NOL4: variants seen among roughly 807,000 people sequenced by gnomAD.
NOL4 encodes nucleolar protein 4, also known as cancer/testis antigen 125.
NOL4 carries 17 observed loss-of-function variants against 75.9 expected under a neutral mutation model. The observed-to-expected ratio is 0.22, with a 90% confidence interval of 0.15 to 0.34. NOL4 has a LOEUF of 0.34. NOL4 is among the 10% of genes least tolerant of loss of function. The pLI, the probability that NOL4 is intolerant of heterozygous loss-of-function variation, is 1.00. For missense variants in NOL4, 614 were observed against 793.5 expected (o/e 0.77, Z 2.72); for synonymous variants, 292 against 289.9 (o/e 1.01, Z -0.07).
At chr18:34,031,995 G>A (rs1378272188) in intron 5 of NOL4, among the ~76,000 whole-genome samples, 1 of 152,200 alleles carries the variant, frequency 6.6e-6, no homozygotes, top group East Asian at 1.9e-4. Context: ...AGTGCCAGTG[G>A]CAACACACTG....
intron 2 of NOL4, among the ~76,000 whole-genome samples, chr18:34,120,405 C>T (rs2080084362): frequency 6.6e-6 from 1 of 152,186 alleles, no homozygotes; most frequent in Admixed American, 6.5e-5. Context: ...AAAGTGATCA[C>T]AGCCCACTAA....
chr18:34,091,292 G>C (rs141743080), intron 5 of NOL4, among the ~76,000 whole-genome samples: 3 of 152,008 alleles, frequency 2.0e-5, no homozygotes, highest in African/African-American at 7.3e-5. Context: ...GAACCCGGGA[G>C]GCAGAGGTTG....
chr18:34,024,181 GAAAAAAA>G (rs200128545), intron 5 of NOL4, among the ~76,000 whole-genome samples: 6 of 86,958 alleles, frequency 6.9e-5, no homozygotes, highest in Non-Finnish European at 1.5e-4. Flanking sequence ...AAATAAACAG[GAAAAAAA>G]AAAAAAATAT....
chr18:33,876,375 A>G (rs1428261129), intron 10 of NOL4, among the ~76,000 whole-genome samples: 1 of 152,016 alleles, frequency 6.6e-6, no homozygotes, highest in Non-Finnish European at 1.5e-5. Flanking sequence ...CCTATTTTAT[A>G]AATTAAATCA....
intron 9 of NOL4, among the ~76,000 whole-genome samples, chr18:33,916,433 G>A (rs1344197480): frequency 1.3e-5 from 2 of 152,166 alleles, no homozygotes; most frequent in South Asian, 2.1e-4. Flanking sequence ...TTTATCAGGC[G>A]TACTCTGTCA....
At chr18:34,027,890 G>A (rs1184503915) in intron 5 of NOL4, among the ~76,000 whole-genome samples, 2 of 152,100 alleles carry the variant, frequency 1.3e-5, no homozygotes, top group African/African-American at 4.8e-5. Flanking sequence ...ACACAACTAA[G>A]AATAGAAAGG....
intron 9 of NOL4, among the ~76,000 whole-genome samples, chr18:33,935,318 G>T (rs998658707): frequency 6.6e-6 from 1 of 152,080 alleles, no homozygotes; most frequent in African/African-American, 2.4e-5. Flanking sequence ...TTTAAAGTCA[G>T]ATACATGAGA....
chr18:34,110,665 TA>T, intron 2 of NOL4, among the ~76,000 whole-genome samples: 1 of 152,258 alleles, frequency 6.6e-6, no homozygotes, highest in South Asian at 2.1e-4. Context: ...TTCAATATGG[TA>T]CTAGAAGTCC....
At chr18:33,993,604 T>A (rs1263527710) in intron 6 of NOL4, among the ~76,000 whole-genome samples, 1 of 151,716 alleles carries the variant, frequency 6.6e-6, no homozygotes, top group African/African-American at 2.4e-5. Context: ...ATACTGGAAA[T>A]AAATAGGCAA....
intron 9 of NOL4, among the ~76,000 whole-genome samples, chr18:33,914,704 G>A (rs2066609869): frequency 6.6e-6 from 1 of 152,104 alleles, no homozygotes. Flanking sequence ...GATGTGTAAT[G>A]TGAAAAGAAG....
At chr18:34,220,503 T>G (rs984946785) in intron 1 of NOL4, among the ~76,000 whole-genome samples, 4 of 152,204 alleles carry the variant, frequency 2.6e-5, no homozygotes, top group African/African-American at 9.7e-5. Context: ...AAATATATTT[T>G]TGTCTTCTTG....
chr18:34,223,215 G>A lies in NOL4; in HGVS notation c.39C>T (p.Asp13=), dbSNP rs749542714. The A allele has an allele frequency of 8.1e-6, 13 of 1,614,040 alleles. No individual in the cohort carries two copies. Among genetic ancestry groups the A allele is most frequent in the Non-Finnish European group, 1.0e-5 (12 of 1,180,056 alleles). Residue 13 remains aspartate, a synonymous_variant, in exon 1 of 11, where the codon GAC becomes GAT. Coordinates refer to ENST00000261592, the MANE Select transcript of NOL4 (RefSeq NM_003787.5). ...AGTCCCCGTAAGTCCTGAGGCACCAGTCCTGGAACTGGCGGTACATGTCGC... is the reference window on the plus strand; with the variant it reads ...AGTCCCCGTAAGTCCTGAGGCACCAATCCTGGAACTGGCGGTACATGTCGC... ...SERDMYRQFQ[D]WCLRTYGDSG...
chr18:34,122,628 T>C (rs1484884875), intron 2 of NOL4, among the ~76,000 whole-genome samples: 1 of 152,164 alleles, frequency 6.6e-6, no homozygotes, highest in Non-Finnish European at 1.5e-5. Context: ...ACATCACACA[T>C]GTAGAACTTA....
At chr18:34,168,449 A>T (rs1163541308) in intron 1 of NOL4, among the ~76,000 whole-genome samples, 1 of 151,714 alleles carries the variant, frequency 6.6e-6, no homozygotes, top group South Asian at 2.1e-4. Context: ...CAGGGGGGAA[A>T]AAAGGTCTGC....
intron 8 of NOL4, among the ~76,000 whole-genome samples, chr18:33,951,672 TTAC>T (rs2069235998): frequency 1.3e-5 from 2 of 152,188 alleles, no homozygotes; most frequent in Admixed American, 1.3e-4. Context: ...TGTGGGTAAC[TTAC>T]ATACTTCTGT....
At chr18:33,911,467 TG>T (rs2066401847) in intron 9 of NOL4, among the ~76,000 whole-genome samples, 1 of 152,156 alleles carries the variant, frequency 6.6e-6, no homozygotes, top group African/African-American at 2.4e-5. Flanking sequence ...AAGAAAACTC[TG>T]AGTGATTTAA....
At chr18:34,210,329 C>T (rs941300985) in intron 1 of NOL4, among the ~76,000 whole-genome samples, 2 of 152,122 alleles carry the variant, frequency 1.3e-5, no homozygotes, top group Non-Finnish European at 2.9e-5. Context: ...GTTCAGAATT[C>T]GAAGTTCTCT....
At chr18:34,209,715 G>C (rs376074679) in intron 1 of NOL4, among the ~76,000 whole-genome samples, 2 of 152,162 alleles carry the variant, frequency 1.3e-5, no homozygotes, top group African/African-American at 2.4e-5. Context: ...CTGAGAAATA[G>C]AACTGCTAAA....
chr18:34,139,096 T>A (rs1174102606), intron 1 of NOL4, among the ~76,000 whole-genome samples: 1 of 152,180 alleles, frequency 6.6e-6, no homozygotes, highest in Non-Finnish European at 1.5e-5. Flanking sequence ...TTATTGAGGA[T>A]TTTTGCATCG....
Sources: gnomAD v4.1 joint callset for allele counts (sites outside exome capture counted in the v4.1 genomes callset) on GRCh38, gnomAD v4.1.1 for gene constraint, MANE v1.5 for transcripts, NCBI Gene and HGNC (gene_info 2026-07-23, HGNC 2026-07-21) for gene names.